Variants in DCHS2 observed in about 807,000 individuals in gnomAD.
DCHS2 encodes the protein dachsous cadherin-related 2.
A neutral mutation model predicts 182.4 loss-of-function variants in DCHS2; 142 were observed. The ratio of observed to expected loss-of-function variants is 0.78; its 90% CI spans 0.68 to 0.89. The LOEUF is 0.89. Ranked by LOEUF, DCHS2 falls within the 40% of genes least tolerant of loss-of-function variation. The pLI, the probability that DCHS2 is intolerant of heterozygous loss-of-function variation, is 0.00. For synonymous variants in DCHS2, 1,740 were observed against 1,663.3 expected (o/e 1.05, Z -1.12); for missense variants, 4,319 against 4,198.6 (o/e 1.03, Z -0.79).
chr4:154,450,168 A>G (rs913655272), intron 1 of DCHS2, among the ~76,000 whole-genome samples: 2 of 152,224 alleles, frequency 1.3e-5, no homozygotes, highest in Non-Finnish European at 2.9e-5. Context: ...GAAAGGCGAC[A>G]GTGGGAAAGG....
Position 154,490,661 on chromosome 4 carries a change from G to T in DCHS2, c.695C>A (p.Pro232Gln), listed in dbSNP as rs766475202. ...QLRYRTPGPL[P>Q]SPLLPGSSSP... Reference sequence around the variant, plus strand: ...CGAGGAGCCTGGCAAAAGCGGTGACGGTAGTGGCCCCGGAGTCCGGTAGCG... The same window carrying T: ...CGAGGAGCCTGGCAAAAGCGGTGACTGTAGTGGCCCCGGAGTCCGGTAGCG... Residue 232 changes from proline (P) to glutamine (Q), a missense_variant, in exon 1 of 20, where the codon CCG (proline) becomes CAG (glutamine). Coordinates refer to ENST00000357232, the MANE Select transcript of DCHS2 (RefSeq NM_001358235.2). 3 of 1,551,484 alleles carry T rather than the reference G, an allele frequency of 1.9e-6. No homozygotes were observed. The highest frequency in any genetic ancestry group is 2.4e-5 in the South Asian group (2 of 84,060).
intron 3 of DCHS2, among the ~76,000 whole-genome samples, chr4:154,351,744 G>A (rs372934264): frequency 3.9e-5 from 6 of 152,050 alleles, no homozygotes; most frequent in African/African-American, 4.8e-5. Flanking sequence ...TCTCCTGCAC[G>A]CACAGTTCAT....
At chr4:154,486,522 T>C in intron 1 of DCHS2, 6 of 1,304,398 alleles carry the variant, frequency 4.6e-6, no homozygotes, top group Non-Finnish European at 6.1e-6. Flanking sequence ...AGATATAAGC[T>C]GTAAAAGAGG....
intron 3 of DCHS2, among the ~76,000 whole-genome samples, chr4:154,360,388 G>T (rs1329895136): frequency 2.6e-5 from 4 of 152,034 alleles, no homozygotes; most frequent in South Asian, 4.1e-4. Flanking sequence ...TTATAAGTCT[G>T]TGATCTGGTA....
intron 10 of DCHS2, among the ~76,000 whole-genome samples, chr4:154,311,302 G>A (rs1219077069): frequency 6.6e-6 from 1 of 152,070 alleles, no homozygotes; most frequent in African/African-American, 2.4e-5. Context: ...AGGCACAGTC[G>A]TGGCTCACGG....
At chr4:154,430,843 G>A (rs1009973067) in intron 1 of DCHS2, among the ~76,000 whole-genome samples, 12 of 152,102 alleles carry the variant, frequency 7.9e-5, no homozygotes, top group African/African-American at 2.7e-4. Context: ...CTACCCTGTG[G>A]CCCTGCAGAG....
chr4:154,272,140 A>G (rs933556692), intron 13 of DCHS2: 1 of 152,168 alleles, frequency 6.6e-6, no homozygotes, highest in Non-Finnish European at 1.5e-5. Flanking sequence ...TTAAATGGAA[A>G]ACCACAATTT....
chr4:154,334,949 T>C lies in DCHS2; in HGVS notation c.2632A>G (p.Arg878Gly), dbSNP rs769483528. ...TAAACTAAGAAAGTGTACTTAGGCCTTTCAAACTCAGCAGGTGCCAGAGTT... is the reference window on the plus strand; with the variant it reads ...TAAACTAAGAAAGTGTACTTAGGCCCTTCAAACTCAGCAGGTGCCAGAGTT... ...QTTLAPAEFE[R>G]PKYTFLVYED... Residue 878 changes from arginine to glycine, a missense_variant, in exon 4 of 20, where the codon AGG becomes GGG. Coordinates refer to ENST00000357232, the MANE Select transcript of DCHS2 (RefSeq NM_001358235.2). The C allele has an allele frequency of 6.2e-7, 1 of 1,614,210 alleles. No homozygotes were observed. Among genetic ancestry groups the C allele is most frequent in the Non-Finnish European group, 8.5e-7 (1 of 1,180,024 alleles).
chr4:154,316,395 C>A (rs1199901365), intron 9 of DCHS2, among the ~76,000 whole-genome samples: 1 of 152,250 alleles, frequency 6.6e-6, no homozygotes, highest in Admixed American at 6.5e-5. Flanking sequence ...TGGCTATATT[C>A]TTTAAGACGG....
At chr4:154,288,021 C>T (rs1454072718) in intron 13 of DCHS2, among the ~76,000 whole-genome samples, 1 of 152,106 alleles carries the variant, frequency 6.6e-6, no homozygotes, top group Non-Finnish European at 1.5e-5. Context: ...GAAGAGAAGA[C>T]TCTAAGACAA....
intron 1 of DCHS2, among the ~76,000 whole-genome samples, chr4:154,405,720 T>C (rs1732372701): frequency 6.6e-6 from 1 of 152,210 alleles, no homozygotes; most frequent in Non-Finnish European, 1.5e-5. Flanking sequence ...ATGCTGTCCT[T>C]TAAGTCCTCG....
intron 3 of DCHS2, among the ~76,000 whole-genome samples, chr4:154,352,208 GTTCCCC>G (rs1729652623): frequency 6.6e-6 from 1 of 152,006 alleles, no homozygotes; most frequent in Non-Finnish European, 1.5e-5. Context: ...AGAATTTCTG[GTTCCCC>G]GCTAGTGCCA....
At chr4:154,270,122 C>G in intron 13 of DCHS2, 109 bp from the exon 14 acceptor site, 1 of 1,351,886 alleles carries the variant, frequency 7.4e-7, no homozygotes, top group Non-Finnish European at 9.9e-7. Flanking sequence ...TTCACTTGTT[C>G]ATTGATTCAA....
intron 16 of DCHS2, among the ~76,000 whole-genome samples, chr4:154,248,974 A>G (rs1202386262): frequency 6.6e-6 from 1 of 152,182 alleles, no homozygotes; most frequent in Non-Finnish European, 1.5e-5. Flanking sequence ...GCCTCAAGCT[A>G]TAGAAATCCT....
At position 154,350,776 on chromosome 4, in the gene DCHS2, T is replaced by TATACCA. The variant is rs1729572364; in HGVS notation, c.2476+15433_2476+15434insTGGTAT. ...CACATGTATTTTGTATATTGGAAAG[T>TATACCA]AAATTTACCAATATTAACTTTAGGT... On this transcript the variant is annotated intron_variant, in intron 3 of 19. Coordinates refer to ENST00000357232, the MANE Select transcript of DCHS2 (RefSeq NM_001358235.2). Among the ~76,000 whole-genome samples the TATACCA allele has an allele frequency of 2.6e-5, 4 of 152,354 alleles. No homozygotes were observed. The South Asian group carries it at 8.3e-4, about 32-fold the overall frequency.
chr4:154,307,640 A>G (rs1735500037), intron 10 of DCHS2, among the ~76,000 whole-genome samples: 2 of 152,214 alleles, frequency 1.3e-5, no homozygotes, highest in Non-Finnish European at 2.9e-5. Context: ...AAAGATTTCC[A>G]GCAAAGCTTC....
intron 3 of DCHS2, among the ~76,000 whole-genome samples, chr4:154,342,101 T>G (rs943236680): frequency 1.3e-5 from 2 of 152,182 alleles, no homozygotes; most frequent in African/African-American, 2.4e-5. Flanking sequence ...ATTTTTTGAT[T>G]TTCCAGTGCA....
intron 13 of DCHS2, among the ~76,000 whole-genome samples, chr4:154,291,854 T>C (rs949685133): frequency 1.3e-5 from 2 of 152,108 alleles, no homozygotes; most frequent in African/African-American, 2.4e-5. Context: ...TACAAAAATA[T>C]AGTCAGATAG....
At chr4:154,407,688 G>A (rs1439712624) in intron 1 of DCHS2, among the ~76,000 whole-genome samples, 1 of 152,092 alleles carries the variant, frequency 6.6e-6, no homozygotes, top group East Asian at 1.9e-4. Context: ...ACAACCCTGA[G>A]ACTCTCCCCC....
Sources: gnomAD v4.1 joint callset for allele counts (sites outside exome capture counted in the v4.1 genomes callset) on GRCh38, gnomAD v4.1.1 for gene constraint, MANE v1.5 for transcripts, NCBI Gene and HGNC (gene_info 2026-07-23, HGNC 2026-07-21) for gene names.